Variants in PCDHA5 observed in about 807,000 individuals in gnomAD.
The protein encoded by PCDHA5 is protocadherin alpha-5.
PCDHA5 carries 43 observed loss-of-function variants against 61.6 expected under a neutral mutation model. The ratio of observed to expected loss-of-function variants is 0.70; its 90% confidence interval spans 0.55 to 0.90. PCDHA5 has a LOEUF of 0.90. PCDHA5 is among the 40% of genes least tolerant of loss of function. The pLI, the probability that PCDHA5 is intolerant of heterozygous loss-of-function variation, is 0.00. For missense variants in PCDHA5, 1,298 were observed against 1,222.7 expected (o/e 1.06, Z -0.92); for synonymous variants, 627 against 543.9 (o/e 1.15, Z -2.13).
chr5:140,842,222 G>A (rs1777807654), intron 1 of PCDHA5: 1 of 1,613,082 alleles, frequency 6.2e-7, no homozygotes, highest in Non-Finnish European at 8.5e-7. Context: ...AAATACGGGA[G>A]AAATAGTGAT....
At chr5:140,929,132 T>C (rs782124526) in intron 1 of PCDHA5, 2 of 1,614,214 alleles carry the variant, frequency 1.2e-6, no homozygotes, top group East Asian at 4.5e-5. Flanking sequence ...GTCACTACAG[T>C]TGAGAGACTT....
At chr5:140,871,277 C>T (rs1187011496) in intron 1 of PCDHA5, 15 of 1,613,782 alleles carry the variant, frequency 9.3e-6, no homozygotes, top group Admixed American at 6.7e-5. Flanking sequence ...TGGTCGGCAA[C>T]GCCCACTGAG....
intron 1 of PCDHA5, chr5:140,850,311 T>C (rs2150479083): frequency 1.3e-6 from 2 of 1,597,000 alleles, no homozygotes; most frequent in African/African-American, 1.3e-5. Context: ...CTACAACGCG[T>C]GGCTTTCATA....
intron 1 of PCDHA5, among the ~76,000 whole-genome samples, chr5:140,921,833 T>C (rs1228666561): frequency 1.3e-5 from 2 of 152,094 alleles, no homozygotes; most frequent in Admixed American, 6.6e-5. Flanking sequence ...TATACACATA[T>C]AGACATATTT....
Position 140,870,110 on chromosome 5 carries a change from G to A in PCDHA5, c.2352+45983G>A, listed in dbSNP as rs570133503. 6 of 1,613,896 alleles carry A rather than the reference G, an allele frequency of 3.7e-6. No individual in the cohort carries two copies. In the South Asian group the frequency reaches 6.6e-5, roughly 18 times the overall value. On this transcript the variant is annotated intron_variant, in intron 1 of 3. Coordinates refer to ENST00000529859, the MANE Select transcript of PCDHA5 (RefSeq NM_018908.3). ...CCAATGGCAGGTCACTGTACAGTCT[G>A]GGTGGAAATCTTGGACACCAACGAT... is the stretch of plus-strand genomic sequence containing the variant.
Position 140,821,759 on chromosome 5 carries a change from AT to A in PCDHA5, c.-15del, listed in dbSNP as rs2150110485. On this transcript the variant is annotated 5_prime_UTR_variant, in exon 1 of 4. In the 5' UTR this introduces an upstream ATG that the reference lacks. Transcript: ENST00000529859. The stretch of plus-strand genomic sequence containing the variant: ...GTGGTGATGCAATAGAAAGCTCATA[AT>A]TGGAACGAGATTGAGATGGTATATT... The A allele has an allele frequency of 6.3e-7, 1 of 1,588,004 alleles. No homozygotes were observed. The highest frequency in any genetic ancestry group is 8.6e-7 in the Non-Finnish European group (1 of 1,167,648).
At chr5:140,838,717 C>T (rs1775851358) in intron 1 of PCDHA5, among the ~76,000 whole-genome samples, 1 of 151,954 alleles carries the variant, frequency 6.6e-6, no homozygotes, top group Admixed American at 6.6e-5. Context: ...AGGAGGATTG[C>T]TTCAGTCTAG....
chr5:140,992,270 G>A (rs115480506), intron 3 of PCDHA5, among the ~76,000 whole-genome samples: 186 of 152,264 alleles, frequency 1.2e-3, no homozygotes, highest in African/African-American at 4.1e-3. Flanking sequence ...AGTTCTTTTC[G>A]TAGCACATCC....
Position 140,848,595 on chromosome 5 carries a change from T to C in PCDHA5, c.2352+24468T>C, listed in dbSNP as rs2150413668. The C allele has an allele frequency of 1.4e-5, 23 of 1,594,356 alleles. 3 individuals are homozygous for C. The highest frequency in any genetic ancestry group is 1.8e-5 in the Non-Finnish European group (21 of 1,164,532). Reference sequence around the variant, plus strand: ...GGTGGGGAGCGGCCAGCTCCACTACTCCGTCCCGGAGGAAGCCGAACACGG... The same window carrying C: ...GGTGGGGAGCGGCCAGCTCCACTACCCCGTCCCGGAGGAAGCCGAACACGG... On this transcript the variant is annotated intron_variant, in intron 1 of 3. Coordinates refer to ENST00000529859, the MANE Select transcript of PCDHA5 (RefSeq NM_018908.3).
rs1193059751 is a variant in PCDHA5 at position 140,857,644 on chromosome 5, C to G, written c.2352+33517C>G. ...ACGAGGAGCTGGAGCTGCTACAGTT[C>G]CAGGTGAGCGCGCGCGATGGGGGCG... On this transcript the variant is annotated intron_variant, in intron 1 of 3. Coordinates refer to ENST00000529859, the MANE Select transcript of PCDHA5 (RefSeq NM_018908.3). 9 of 1,596,322 alleles carry G rather than the reference C, an allele frequency of 5.6e-6. 1 individual carries two copies. Among genetic ancestry groups the G allele is most frequent in the Non-Finnish European group, 7.7e-6 (9 of 1,167,662 alleles).
intron 1 of PCDHA5, chr5:140,842,865 G>T (rs146195620): frequency 0.01 from 16,276 of 1,593,984 alleles, 1,624 homozygotes; most frequent in Non-Finnish European, 0.012. Flanking sequence ...ACGGAGAGCG[G>T]CAAGGTGTAC....
At chr5:140,906,218 A>G (rs2072464720) in intron 1 of PCDHA5, among the ~76,000 whole-genome samples, 1 of 152,176 alleles carries the variant, frequency 6.6e-6, no homozygotes, top group African/African-American at 2.4e-5. Flanking sequence ...ATTAACCATC[A>G]CAAGTCCTCC....
At chr5:141,009,034 C>T (rs183192515) in intron 3 of PCDHA5, among the ~76,000 whole-genome samples, 64 of 152,344 alleles carry the variant, frequency 4.2e-4, no homozygotes, top group African/African-American at 1.5e-3. Context: ...TTTCCCATCC[C>T]GTTCCCAGTC....
chr5:140,959,382 A>C (rs1332960560), intron 1 of PCDHA5, among the ~76,000 whole-genome samples: 1 of 152,200 alleles, frequency 6.6e-6, no homozygotes, highest in African/African-American at 2.4e-5. Flanking sequence ...TCAAAAAAAA[A>C]AGTCACAAAT....
At chr5:140,979,243 C>T (rs1554240401) in intron 2 of PCDHA5, among the ~76,000 whole-genome samples, 1 of 152,178 alleles carries the variant, frequency 6.6e-6, no homozygotes, top group Non-Finnish European at 1.5e-5. Context: ...CAGAAACAGG[C>T]TGCTATGTAT....
intron 1 of PCDHA5, chr5:140,851,942 G>T: frequency 1.0e-6 from 1 of 967,952 alleles, no homozygotes; most frequent in Non-Finnish European, 1.2e-6. Flanking sequence ...TGTAGTATGT[G>T]ACTTTCAAAA....
At chr5:140,884,758 C>T in intron 1 of PCDHA5, 2 of 1,424,736 alleles carry the variant, frequency 1.4e-6, no homozygotes, top group Middle Eastern at 4.1e-4. Flanking sequence ...TCAAATTATT[C>T]TTTACTTTAA....
intron 1 of PCDHA5, chr5:140,882,353 G>A (rs782054546): frequency 2.5e-6 from 4 of 1,614,174 alleles, no homozygotes; most frequent in Non-Finnish European, 3.4e-6. Flanking sequence ...GACGGGTAGT[G>A]GCCAGCTCCA....
At chr5:140,966,922 G>C (rs782206344) in intron 1 of PCDHA5, 7 of 1,602,954 alleles carry the variant, frequency 4.4e-6, no homozygotes, top group Non-Finnish European at 5.9e-6. Context: ...CAGAGGAGCA[G>C]GCACCCGGCG....
Sources: allele counts gnomAD v4.1 joint callset (sites outside exome capture counted in the v4.1 genomes callset), GRCh38; gene constraint gnomAD v4.1.1; transcripts MANE v1.5; gene names NCBI Gene and HGNC (gene_info 2026-07-23, HGNC 2026-07-21).